Variants in PPP2R3A observed in about 807,000 individuals in gnomAD.
PPP2R3A encodes the protein protein phosphatase 2 regulatory subunit B''alpha, also known as serine/threonine-protein phosphatase 2A regulatory subunit B'' subunit alpha.
PPP2R3A carries 80 observed loss-of-function variants against 106.9 expected under a neutral mutation model. That is an observed-to-expected ratio of 0.75 (90% CI 0.62 to 0.90). PPP2R3A has a LOEUF of 0.90. Ranked by LOEUF, PPP2R3A falls within the 40% of genes least tolerant of loss-of-function variation. PPP2R3A has a pLI of 0.00. For synonymous variants in PPP2R3A, 483 were observed against 468.3 expected (o/e 1.03, Z -0.41); for missense variants, 1,386 against 1,350.4 (o/e 1.03, Z -0.41).
At chr3:136,000,282 G>A (rs1403387058) in intron 1 of PPP2R3A, among the ~76,000 whole-genome samples, 1 of 152,062 alleles carries the variant, frequency 6.6e-6, no homozygotes. Flanking sequence ...TCTATCCCTA[G>A]TGTATACAAA....
chr3:136,144,516 C>G (rs1188590065), intron 13 of PPP2R3A, among the ~76,000 whole-genome samples: 1 of 152,096 alleles, frequency 6.6e-6, no homozygotes, highest in Non-Finnish European at 1.5e-5. Context: ...CAAAACTTAG[C>G]CAGGTGTGGT....
At chr3:136,103,942 T>C (rs1046171033) in intron 12 of PPP2R3A, among the ~76,000 whole-genome samples, 1 of 152,152 alleles carries the variant, frequency 6.6e-6, no homozygotes, top group East Asian at 1.9e-4. Context: ...CTGTGGACCC[T>C]CAGAAAACCC....
At chr3:136,103,408 G>T in intron 12 of PPP2R3A, 32 bp downstream of exon 12, 1 of 1,467,468 alleles carries the variant, frequency 6.8e-7, no homozygotes, top group African/African-American at 1.4e-5. Flanking sequence ...TTATTTGAGG[G>T]CTGCAGTGTC....
intron 6 of PPP2R3A, among the ~76,000 whole-genome samples, chr3:136,072,535 T>G (rs1936470395): frequency 6.6e-6 from 1 of 152,188 alleles, no homozygotes; most frequent in African/African-American, 2.4e-5. Flanking sequence ...GAGGTTGCAG[T>G]GAGCTGAGAT....
At chr3:136,132,993 G>C (rs1938484178) in intron 13 of PPP2R3A, among the ~76,000 whole-genome samples, 1 of 152,014 alleles carries the variant, frequency 6.6e-6, no homozygotes, top group African/African-American at 2.4e-5. Context: ...GGATATCCAT[G>C]TGCCAAAAAG....
At chr3:136,108,722 A>T (rs1171477716) in intron 13 of PPP2R3A, among the ~76,000 whole-genome samples, 2 of 152,074 alleles carry the variant, frequency 1.3e-5, no homozygotes, top group African/African-American at 4.8e-5. Flanking sequence ...AGTTTTAAAA[A>T]TTCAAGTCAC....
chr3:136,043,038 TA>T (rs1486873878), intron 4 of PPP2R3A, among the ~76,000 whole-genome samples: 5 of 150,840 alleles, frequency 3.3e-5, no homozygotes, highest in Non-Finnish European at 7.4e-5. Context: ...AACTTTCAAA[TA>T]AAAAAATTGC....
intron 13 of PPP2R3A, among the ~76,000 whole-genome samples, chr3:136,113,133 T>C (rs765781780): frequency 2.0e-4 from 30 of 151,162 alleles, no homozygotes; most frequent in Non-Finnish European, 3.5e-4. Flanking sequence ...AAAAAAATCA[T>C]ATGAAACAAA....
intron 1 of PPP2R3A, among the ~76,000 whole-genome samples, chr3:135,968,161 GC>G (rs1937144621): frequency 6.6e-6 from 1 of 152,154 alleles, no homozygotes; most frequent in African/African-American, 2.4e-5. Context: ...GGCCTGTTTT[GC>G]CAACTGGACA....
At chr3:135,984,114 T>C (rs943738151) in intron 1 of PPP2R3A, among the ~76,000 whole-genome samples, 1 of 152,146 alleles carries the variant, frequency 6.6e-6, no homozygotes, top group African/African-American at 2.4e-5. Flanking sequence ...CTTCCCCTTC[T>C]AACTACCCTT....
At chr3:136,082,060 C>T (rs1481280182) in intron 7 of PPP2R3A, among the ~76,000 whole-genome samples, 1 of 152,158 alleles carries the variant, frequency 6.6e-6, no homozygotes, top group African/African-American at 2.4e-5. Context: ...TCCAGCCCTT[C>T]ACTGAGCATA....
At chr3:136,063,301 C>T (rs1396047818) in intron 5 of PPP2R3A, among the ~76,000 whole-genome samples, 1 of 152,168 alleles carries the variant, frequency 6.6e-6, no homozygotes. Context: ...CAATGTTAGA[C>T]CTAAAACCAT....
At chr3:135,970,029 G>T (rs1937199453) in intron 1 of PPP2R3A, among the ~76,000 whole-genome samples, 1 of 152,166 alleles carries the variant, frequency 6.6e-6, no homozygotes, top group Non-Finnish European at 1.5e-5. Flanking sequence ...TCTCATCTTG[G>T]TTGCACATTG....
At chr3:136,129,205 A>T (rs530569106) in intron 13 of PPP2R3A, among the ~76,000 whole-genome samples, 3 of 151,512 alleles carry the variant, frequency 2.0e-5, no homozygotes, top group Non-Finnish European at 2.9e-5. Context: ...AAAAAAAAAA[A>T]CCTTCAAAAA....
At chr3:135,984,995 G>A (rs1006989384) in intron 1 of PPP2R3A, among the ~76,000 whole-genome samples, 3 of 152,078 alleles carry the variant, frequency 2.0e-5, no homozygotes, top group Non-Finnish European at 4.4e-5. Flanking sequence ...GAACAGGACA[G>A]GAAAGACCTG....
intron 13 of PPP2R3A, among the ~76,000 whole-genome samples, chr3:136,126,007 A>G (rs988923179): frequency 2.6e-5 from 4 of 152,216 alleles, no homozygotes; most frequent in Non-Finnish European, 5.9e-5. Flanking sequence ...GTTAAAAGAA[A>G]AAAAAGGAGG....
intron 2 of PPP2R3A, among the ~76,000 whole-genome samples, chr3:136,010,718 G>T (rs769062204): frequency 6.6e-6 from 1 of 151,950 alleles, no homozygotes; most frequent in African/African-American, 2.4e-5. Context: ...GAGCCACCGC[G>T]CCCATCCCCA....
chr3:136,078,599 G>A, intron 7 of PPP2R3A, 146 bp downstream of exon 7: 1 of 627,768 alleles, frequency 1.6e-6, no homozygotes, highest in Non-Finnish European at 2.8e-6. Flanking sequence ...GTCGTGGGAT[G>A]CTGGAATGTT....
intron 7 of PPP2R3A, among the ~76,000 whole-genome samples, chr3:136,078,983 A>C (rs1693816819): frequency 6.6e-6 from 1 of 152,222 alleles, no homozygotes; most frequent in African/African-American, 2.4e-5. Flanking sequence ...CTTTTACCGA[A>C]GTAATCTTCA....
Sources: gnomAD v4.1 joint callset for allele counts (sites outside exome capture counted in the v4.1 genomes callset) on GRCh38, gnomAD v4.1.1 for gene constraint, MANE v1.5 for transcripts, NCBI Gene and HGNC (gene_info 2026-07-23, HGNC 2026-07-21) for gene names.